SPATA22: variants seen among roughly 807,000 people sequenced by gnomAD.
SPATA22 encodes the protein spermatogenesis-associated protein 22.
Under a neutral mutation model 47.8 loss-of-function variants are expected in SPATA22, and 29 were observed. The ratio of observed to expected loss-of-function variants is 0.61; its 90% confidence interval spans 0.45 to 0.83. SPATA22 has a LOEUF of 0.83. Ranked by LOEUF, SPATA22 falls within the 40% of genes least tolerant of loss-of-function variation. The probability of loss-of-function intolerance (pLI) is 0.00; values close to 1 mark genes in which losing one functional copy is unlikely to be tolerated. For synonymous variants in SPATA22, 133 were observed against 140.9 expected, an observed-to-expected ratio of 0.94 and a Z score of 0.40; for missense variants, 410 against 421.7, an observed-to-expected ratio of 0.97 and a Z score of 0.24.
At chr17:3,492,808 G>C (rs1405145421) in intron 1 of SPATA22, among the ~76,000 whole-genome samples, 1 of 152,098 alleles carries the variant, frequency 6.6e-6, no homozygotes, top group African/African-American at 2.4e-5. Flanking sequence ...CAGCCTCCAG[G>C]TGAGCTGTCA....
chr17:3,467,540 G>T lies in SPATA22; in HGVS notation c.58C>A (p.Pro20Thr). 3 of 1,604,632 alleles carry T rather than the reference G, an allele frequency of 1.9e-6. No homozygotes were observed. The highest frequency in any genetic ancestry group is 2.3e-5 in the East Asian group (1 of 44,422). ...ARSTAGCLPV[P>T]LFNQKKRNRQ... is the part of the protein sequence containing the mutation. Reference sequence around the variant, plus strand: ...TTCCTCTTTTTCTGATTGAACAACGGAACAGGCAAACAGCCTAAATTGAAT... The same window carrying T: ...TTCCTCTTTTTCTGATTGAACAACGTAACAGGCAAACAGCCTAAATTGAAT... Residue 20 changes from proline to threonine, a missense_variant, in exon 3 of 9, where the codon CCG becomes ACG. Physicochemically the swap from Pro to Thr is conservative, Grantham distance 38. Transcript: ENST00000572969.
intron 7 of SPATA22, among the ~76,000 whole-genome samples, chr17:3,443,921 TATACA>T (rs1190261902): frequency 6.6e-6 from 1 of 151,940 alleles, no homozygotes. Context: ...AAAATTTTAA[TATACA>T]ATACAATAAT....
At chr17:3,491,880 T>TTC (rs1555540281) in intron 1 of SPATA22, among the ~76,000 whole-genome samples, 8 of 145,120 alleles carry the variant, frequency 5.5e-5, no homozygotes, top group Non-Finnish European at 7.6e-5. Context: ...TTGTTTTCTT[T>TTC]TTTTTTTTTT....
At chr17:3,499,123 T>C in intron 1 of SPATA22, 2 of 1,598,524 alleles carry the variant, frequency 1.3e-6, no homozygotes, top group South Asian at 2.2e-5. Context: ...CACGGTGTCT[T>C]ACAAATTCTG....
At chr17:3,448,672 C>T (rs1345792608) in intron 6 of SPATA22, 135 bp downstream of exon 6, 2 of 644,050 alleles carry the variant, frequency 3.1e-6, no homozygotes, top group Admixed American at 7.0e-5. Context: ...TTCAATGGAA[C>T]TGAATATTTA....
intron 5 of SPATA22, among the ~76,000 whole-genome samples, chr17:3,454,216 A>T (rs1322888866): frequency 3.3e-5 from 5 of 151,112 alleles, no homozygotes; most frequent in Non-Finnish European, 7.4e-5. Flanking sequence ...TAAAAAAAAA[A>T]AACCTGAAGA....
intron 5 of SPATA22, 151 bp downstream of exon 5, chr17:3,462,332 A>G: frequency 1.9e-6 from 1 of 532,100 alleles, no homozygotes; most frequent in Non-Finnish European, 3.3e-6. Flanking sequence ...TTCATAAAAC[A>G]TAATTAATAC....
upstream of SPATA22, among the ~76,000 whole-genome samples, chr17:3,475,083 C>T (rs2073501275): frequency 6.6e-6 from 1 of 152,172 alleles, no homozygotes; most frequent in African/African-American, 2.4e-5. Flanking sequence ...TCTTATTGTA[C>T]CCTCTATCAA....
chr17:3,465,171 C>G (rs1436037373), intron 3 of SPATA22, among the ~76,000 whole-genome samples: 1 of 135,622 alleles, frequency 7.4e-6, no homozygotes, highest in Non-Finnish European at 1.6e-5. Context: ...GTCAGCCCCC[C>G]GCCCGGCCAG....
intron 1 of SPATA22, among the ~76,000 whole-genome samples, chr17:3,507,675 A>G (rs759184716): frequency 4.6e-5 from 7 of 152,172 alleles, no homozygotes; most frequent in Non-Finnish European, 7.3e-5. Flanking sequence ...CCAAGTCTCG[A>G]TTTCCCTACC....
intron 3 of SPATA22, 148 bp downstream of exon 3, chr17:3,467,278 A>G: frequency 3.4e-6 from 2 of 590,664 alleles, no homozygotes; most frequent in Non-Finnish European, 5.4e-6. Context: ...CTGACCTGGA[A>G]TGTTCAGAAA....
intron 5 of SPATA22, among the ~76,000 whole-genome samples, chr17:3,458,855 C>CA (rs545223532): frequency 0.021 from 806 of 38,278 alleles, 24 homozygotes; most frequent in East Asian, 0.072. Flanking sequence ...CGAAACTTCA[C>CA]AAAAAAAAAA....
At chr17:3,483,693 T>G in intron 1 of SPATA22, 6 of 1,163,890 alleles carry the variant, frequency 5.2e-6, no homozygotes, top group Non-Finnish European at 6.3e-6. Flanking sequence ...GACAGAGTCT[T>G]GCTCTGTCAC....
Position 3,440,373 on chromosome 17 carries a change from A to G in SPATA22, c.901-35T>C, listed in dbSNP as rs747937327. 8 of 1,480,534 alleles carry G rather than the reference A, an allele frequency of 5.4e-6. No individual in the cohort carries two copies. The Admixed American group carries it at 1.9e-4, about 35-fold the overall frequency. The allele number at this position is 1,480,534 out of a possible 1,614,324, so 91.7% of individuals were successfully genotyped here. On this transcript the variant is annotated intron_variant, in intron 8 of 8. Transcript: ENST00000572969. ...AAAAAATAAGTATCAAAAAATAGTTATTACTTCATCTGAATTTCAATTTTT... is the reference window on the plus strand; with the variant it reads ...AAAAAATAAGTATCAAAAAATAGTTGTTACTTCATCTGAATTTCAATTTTT...
rs1052017343 is a variant in SPATA22 at position 3,471,768 on chromosome 17, G to A, written c.-160C>T. 1.0e-6 allele frequency: 1 copy of A among 985,616 alleles called. No homozygotes were observed. The highest frequency in any genetic ancestry group is 1.1e-4 in the East Asian group (1 of 8,806). 61.1% of individuals were successfully genotyped at this position (985,616 alleles called of 1,614,324 possible). ...CGCCTCCGTCAACCGTCGTCCAGGC[G>A]GCCCCGTCAGCAACCGCCGCCCTTC... On this transcript the variant is annotated 5_prime_UTR_variant, in exon 1 of 9. Transcript: ENST00000572969.
intron 4 of SPATA22, 49 bp downstream of exon 4, chr17:3,462,658 A>T (rs1457535264): frequency 1.3e-6 from 2 of 1,573,104 alleles, no homozygotes; most frequent in Admixed American, 1.7e-5. Context: ...GAAGAACAAC[A>T]TCAGTTAGTA....
chr17:3,492,129 G>A (rs777166553), intron 1 of SPATA22, among the ~76,000 whole-genome samples: 16 of 152,080 alleles, frequency 1.1e-4, no homozygotes, highest in East Asian at 1.9e-4. Flanking sequence ...TGCCTGCCTC[G>A]GCTTCCCAAA....
At chr17:3,513,777 G>A (rs2074144080) in exon 1 of SPATA22, 3 of 665,262 alleles carry the variant, frequency 4.5e-6, no homozygotes, top group Non-Finnish European at 7.9e-6. Flanking sequence ...CACCCACTGA[G>A]CACTGAGCAC....
intron 1 of SPATA22, chr17:3,494,563 G>T: frequency 1.1e-6 from 1 of 923,070 alleles, no homozygotes. Flanking sequence ...CCCATTTGAT[G>T]CTCTCATTAG....
Sources: gnomAD v4.1 joint callset for allele counts (sites outside exome capture counted in the v4.1 genomes callset) on GRCh38, gnomAD v4.1.1 for gene constraint, MANE v1.5 for transcripts, NCBI Gene and HGNC (gene_info 2026-07-23, HGNC 2026-07-21) for gene names.